OSBPL6: variants seen among roughly 807,000 people sequenced by gnomAD.
The protein encoded by OSBPL6 is oxysterol binding protein like 6.
A neutral mutation model predicts 125.8 loss-of-function variants in OSBPL6; 49 were observed. The observed-to-expected ratio is 0.39, with a 90% CI of 0.31 to 0.49. The LOEUF (loss-of-function observed/expected upper bound fraction) is 0.49. OSBPL6 is among the 20% of genes least tolerant of loss of function. The pLI, the probability that OSBPL6 is intolerant of heterozygous loss-of-function variation, is 0.88. For synonymous variants in OSBPL6, 394 were observed against 391.8 expected, an observed-to-expected ratio of 1.01 and a Z score of -0.07; for missense variants, 986 against 1,135.4, an observed-to-expected ratio of 0.87 and a Z score of 1.89.
At position 178,397,354 on chromosome 2, in the gene OSBPL6, C is replaced by G. The variant is rs559318583; in HGVS notation, c.*1795C>G. 9 of 152,284 alleles carry G rather than the reference C, an allele frequency of 5.9e-5. No homozygotes were observed. The East Asian group carries it at 1.7e-3, about 29-fold the overall frequency. 9.4% of individuals were successfully genotyped at this position (152,284 alleles called of 1,614,324 possible). ...TCTAAGCATTCTGCTTCAACAATAC[C>G]CTCTCTATTCCTCTCATTCCCATTT... On this transcript the variant is annotated 3_prime_UTR_variant, in exon 25 of 25. Coordinates refer to ENST00000190611, the MANE Select transcript of OSBPL6 (RefSeq NM_032523.4).
At chr2:178,235,676 G>A (rs184320049) in intron 1 of OSBPL6, among the ~76,000 whole-genome samples, 86 of 151,980 alleles carry the variant, frequency 5.7e-4, no homozygotes, top group African/African-American at 2.0e-3. Flanking sequence ...AAAGTGCTGG[G>A]ATTATAGGCG....
At chr2:178,232,066 G>A (rs187068090) in intron 1 of OSBPL6, among the ~76,000 whole-genome samples, 65 of 152,122 alleles carry the variant, frequency 4.3e-4, no homozygotes, top group African/African-American at 1.5e-3. Context: ...TCCATAAACT[G>A]GGTAAAACAA....
chr2:178,249,762 A>T (rs947601853), intron 1 of OSBPL6, among the ~76,000 whole-genome samples: 1 of 151,294 alleles, frequency 6.6e-6, no homozygotes, highest in Non-Finnish European at 1.5e-5. Context: ...GCACCCAGAG[A>T]CTGACTTTCG....
chr2:178,395,496 C>T lies in OSBPL6; in HGVS notation c.2742C>T (p.Asp914=). The change falls in exon 25 of 25, where the codon GAC becomes GAT. Residue 914 remains aspartate, a synonymous_variant. Coordinates refer to ENST00000190611, the MANE Select transcript of OSBPL6 (RefSeq NM_032523.4). ...AAAGAGAAGCCTGGGTTTCTAACGA[C>T]ACCTACTGGGAGCTTCGAAAGGACC... ...ANQREAWVSN[D]TYWELRKDPG... 1 of 1,613,828 alleles carries T rather than the reference C, an allele frequency of 6.2e-7. No homozygotes were observed. Among genetic ancestry groups the T allele is most frequent in the Non-Finnish European group, 8.5e-7 (1 of 1,179,848 alleles).
rs1451246929 is a variant in OSBPL6, at chr2:178,394,425, A to G, written c.2686A>G (p.Lys896Glu). 3 of 1,607,894 alleles carry G rather than the reference A, an allele frequency of 1.9e-6. No individual in the cohort carries two copies. Among genetic ancestry groups the G allele is most frequent in the Non-Finnish European group, 2.5e-6 (3 of 1,178,600 alleles). ...MEENNLEHIP[K>E]FFKKVIDANQ... Reference sequence around the variant, plus strand: ...AGAAAACAATCTTGAACATATACCAAAATTTTTTAAGTAAGTCAGTTAACT... The same window carrying G: ...AGAAAACAATCTTGAACATATACCAGAATTTTTTAAGTAAGTCAGTTAACT... Residue 896 changes from lysine (K) to glutamate (E), a missense_variant, in exon 24 of 25, where the codon AAA becomes GAA. Lys to Glu is a moderately conservative substitution (Grantham distance 56, BLOSUM62 1). This residue lies in a region of OSBPL6 where 843 missense variants were observed against 997.3 expected (regional missense o/e 0.85). Coordinates refer to ENST00000190611, the MANE Select transcript of OSBPL6 (RefSeq NM_032523.4).
intron 3 of OSBPL6, among the ~76,000 whole-genome samples, chr2:178,322,845 C>A (rs1688358413): frequency 6.7e-6 from 1 of 150,186 alleles, no homozygotes; most frequent in Non-Finnish European, 1.5e-5. Context: ...TATCTTTGAT[C>A]TTTACAGTGA....
intron 1 of OSBPL6, among the ~76,000 whole-genome samples, chr2:178,198,864 C>G (rs1199840538): frequency 6.6e-6 from 1 of 152,126 alleles, no homozygotes; most frequent in East Asian, 1.9e-4. Context: ...ATAGTACCCC[C>G]AAAGGTACAA....
At chr2:178,214,210 A>T (rs2089988519) in intron 1 of OSBPL6, among the ~76,000 whole-genome samples, 1 of 152,148 alleles carries the variant, frequency 6.6e-6, no homozygotes, top group Non-Finnish European at 1.5e-5. Flanking sequence ...ATGTATTTGA[A>T]CTTATGTTTG....
intron 1 of OSBPL6, among the ~76,000 whole-genome samples, chr2:178,203,371 T>G (rs561071199): frequency 1.3e-5 from 2 of 152,332 alleles, no homozygotes; most frequent in African/African-American, 4.8e-5. Context: ...TCTTTGGCAA[T>G]GTCTACAGTA....
chr2:178,293,029 GTAGT>G (rs1476651495), intron 2 of OSBPL6, among the ~76,000 whole-genome samples: 1 of 151,530 alleles, frequency 6.6e-6, no homozygotes, highest in Admixed American at 6.6e-5. Flanking sequence ...GGCACTATAA[GTAGT>G]TAAAGTTTCA....
At chr2:178,357,037 T>A (rs1691859593) in intron 12 of OSBPL6, among the ~76,000 whole-genome samples, 1 of 152,238 alleles carries the variant, frequency 6.6e-6, no homozygotes, top group South Asian at 2.1e-4. Context: ...GCTAGCCATA[T>A]GTAGAAAGCT....
intron 13 of OSBPL6, among the ~76,000 whole-genome samples, chr2:178,366,651 A>G (rs1004611327): frequency 6.6e-5 from 10 of 152,380 alleles, no homozygotes; most frequent in African/African-American, 1.9e-4. Context: ...TTAACATACT[A>G]TATAGTAGCA....
intron 1 of OSBPL6, among the ~76,000 whole-genome samples, chr2:178,224,460 T>TG (rs2090468726): frequency 6.6e-6 from 1 of 152,234 alleles, no homozygotes; most frequent in Non-Finnish European, 1.5e-5. Flanking sequence ...GCCTTGCATG[T>TG]GAATGTCTTT....
intron 13 of OSBPL6, among the ~76,000 whole-genome samples, chr2:178,366,886 G>T (rs1437709287): frequency 1.3e-5 from 2 of 152,068 alleles, no homozygotes; most frequent in South Asian, 2.1e-4. Flanking sequence ...ACATAATTTG[G>T]CAATATTTAT....
intron 1 of OSBPL6, among the ~76,000 whole-genome samples, chr2:178,266,184 C>G (rs1013827417): frequency 6.6e-6 from 1 of 152,198 alleles, no homozygotes; most frequent in African/African-American, 2.4e-5. Flanking sequence ...CACTGAGATT[C>G]ACGGGGCATG....
chr2:178,241,363 C>T (rs1350525894), intron 1 of OSBPL6, among the ~76,000 whole-genome samples: 6 of 151,412 alleles, frequency 4.0e-5, no homozygotes, highest in African/African-American at 1.2e-4. Context: ...CCTCCCGCCT[C>T]GGCCTCCCAA....
intron 1 of OSBPL6, among the ~76,000 whole-genome samples, chr2:178,226,134 AGT>A (rs544819914): frequency 1.9e-3 from 295 of 152,164 alleles, no homozygotes; most frequent in Non-Finnish European, 1.0e-3. Flanking sequence ...TGGAGGAGGA[AGT>A]GTGGATGCAG....
At chr2:178,252,818 C>A (rs1384977583) in intron 1 of OSBPL6, among the ~76,000 whole-genome samples, 1 of 152,098 alleles carries the variant, frequency 6.6e-6, no homozygotes, top group Non-Finnish European at 1.5e-5. Flanking sequence ...CATGATACAA[C>A]CCCATTTTAG....
At chr2:178,229,301 C>T (rs576692778) in intron 1 of OSBPL6, among the ~76,000 whole-genome samples, 52 of 152,272 alleles carry the variant, frequency 3.4e-4, no homozygotes, top group Non-Finnish European at 5.6e-4. Context: ...AGAGCCTTGT[C>T]TCTGAATGAT....
Sources: allele counts gnomAD v4.1 joint callset (sites outside exome capture counted in the v4.1 genomes callset), GRCh38; gene constraint gnomAD v4.1.1; regional missense constraint gnomAD v4.1.1; transcripts MANE v1.5; gene names NCBI Gene and HGNC (gene_info 2026-07-23, HGNC 2026-07-21).